The following MUC15 variants were observed in gnomAD, a reference collection of about 807,000 sequenced individuals.
MUC15 encodes the protein mucin-15.
In MUC15, 23 loss-of-function variants were observed where a neutral mutation model predicts 24.0. That is an observed-to-expected ratio of 0.96 (90% confidence interval 0.69 to 1.36). MUC15 has a LOEUF of 1.36. MUC15 is among the 40% of genes most tolerant of loss of function. MUC15 has a pLI of 0.00. For missense variants in MUC15, 442 were observed against 428.2 expected, an observed-to-expected ratio of 1.03 and a Z score of -0.29; for synonymous variants, 151 against 156.3, an observed-to-expected ratio of 0.97 and a Z score of 0.25.
chr11:26,563,085 G>T, intron 4 of MUC15, 31 bp downstream of exon 4: 2 of 1,606,988 alleles, frequency 1.2e-6, no homozygotes, highest in Middle Eastern at 1.7e-4. Context: ...AAACCACTGT[G>T]CCCAGGTGAA....
intron 4 of MUC15, 104 bp from the exon 5 acceptor site, chr11:26,561,329 A>T: frequency 2.7e-6 from 2 of 749,418 alleles, no homozygotes; most frequent in Non-Finnish European, 3.8e-6. Flanking sequence ...GAAAATAAAT[A>T]TATTTTTATA....
intron 3 of MUC15, 128 bp from the exon 4 acceptor site, chr11:26,563,393 CTCTG>C (rs1554970472): frequency 0.025 from 20,288 of 824,344 alleles, 553 homozygotes; most frequent in Non-Finnish European, 0.029. Flanking sequence ...GTGTTTCTCT[CTCTG>C]TGTGTGTGTG....
chr11:26,559,528 C>T lies in MUC15; in HGVS notation c.*1537G>A. 2 of 560,210 alleles carry T rather than the reference C, an allele frequency of 3.6e-6. No homozygotes were observed. 34.7% of individuals were successfully genotyped at this position (560,210 alleles called of 1,614,324 possible). ...GAAGAGGGCTAATGTTGTTTCTTCA[C>T]CTCTCCCCATGAGAAAAATCATGTG... On this transcript the variant is annotated 3_prime_UTR_variant, in exon 5 of 5. Transcript: ENST00000529533.
chr11:26,563,221 T>G lies in MUC15; in HGVS notation c.820A>C (p.Ile274Leu). 6.2e-7 allele frequency: 1 copy of G among 1,611,852 alleles called. No individual in the cohort carries two copies. Among genetic ancestry groups the G allele is most frequent in the East Asian group, 2.2e-5 (1 of 44,794 alleles). The change falls in exon 4 of 5, where the codon ATT becomes CTT. Residue 274 changes from isoleucine (I) to leucine (L), a missense_variant. Physicochemically the swap from Ile to Leu is conservative, Grantham distance 5 (BLOSUM62 2). Coordinates refer to ENST00000529533, the MANE Select transcript of MUC15 (RefSeq NM_001135091.2). ...AGAGTAAGCAATGAGACACCCAGAATAGCACCTAAAATGGCCCCGAATACT... is the reference window on the plus strand; with the variant it reads ...AGAGTAAGCAATGAGACACCCAGAAGAGCACCTAAAATGGCCCCGAATACT... Reference protein sequence around the residue: ...GIVFGAILGAILGVSLLTLVG... With the variant: ...GIVFGAILGALLGVSLLTLVG...
At chr11:26,564,505 TA>T (rs1216316854) in intron 3 of MUC15, among the ~76,000 whole-genome samples, 37 of 150,498 alleles carry the variant, frequency 2.5e-4, no homozygotes, top group East Asian at 3.9e-4. Context: ...AAAACTTAGT[TA>T]TTTTTTTTCA....
chr11:26,566,223 A>G (rs952720848), intron 2 of MUC15, among the ~76,000 whole-genome samples: 8 of 152,128 alleles, frequency 5.3e-5, no homozygotes, highest in Non-Finnish European at 1.0e-4. Flanking sequence ...ACATACACGT[A>G]TATTTAAAAC....
chr11:26,559,714 C>G lies in MUC15; in HGVS notation c.*1351G>C. The G allele has an allele frequency of 6.2e-7, 1 of 1,607,876 alleles. No homozygotes were observed. The highest frequency in any genetic ancestry group is 8.5e-7 in the Non-Finnish European group (1 of 1,174,688). ...GACTAATATTTCTGTTTGTTTTCTA[C>G]TCAGGTGACATATTTGTTCGATAAT... On this transcript the variant is annotated 3_prime_UTR_variant, in exon 5 of 5. Coordinates refer to ENST00000529533, the MANE Select transcript of MUC15 (RefSeq NM_001135091.2).
At position 26,559,958 on chromosome 11, in the gene MUC15, T is replaced by C; in HGVS notation, c.*1107A>G. On this transcript the variant is annotated 3_prime_UTR_variant, in exon 5 of 5. Coordinates refer to ENST00000529533, the MANE Select transcript of MUC15 (RefSeq NM_001135091.2). The stretch of plus-strand genomic sequence containing the variant: ...CATATATTCAGTGCTTCTTTAGGAA[T>C]TTAACTCTTGATCTCATCCTCTAAT... 2.0e-6 allele frequency: 1 copy of C among 488,670 alleles called. No homozygotes were observed. Among genetic ancestry groups the C allele is most frequent in the Non-Finnish European group, 3.7e-6 (1 of 273,614 alleles). The allele number at this position is 488,670 out of a possible 1,614,324, so 30.3% of individuals were successfully genotyped here.
Position 26,559,655 on chromosome 11 carries a change from C to A in MUC15, c.*1410G>T. The stretch of plus-strand genomic sequence containing the variant: ...AAAAATCATAGTACCTGAGTGCAAA[C>A]AGTATTCACTGGCTTATTATAATCA... On this transcript the variant is annotated 3_prime_UTR_variant, in exon 5 of 5. Coordinates refer to ENST00000529533, the MANE Select transcript of MUC15 (RefSeq NM_001135091.2). 1 of 1,134,072 alleles carries A rather than the reference C, an allele frequency of 8.8e-7. No homozygotes were observed. The highest frequency in any genetic ancestry group is 1.3e-6 in the Non-Finnish European group (1 of 744,460). The allele number at this position is 1,134,072 out of a possible 1,614,324, so 70.3% of individuals were successfully genotyped here.
In MUC15 at chr11:26,572,055, G is replaced by A. The variant is rs1850850092; in HGVS notation, c.-60C>T. ...CGCACACTTACCTTCAGGCTTAGGA[G>A]GTATTTACAATCAGGAACTGAAATA... On this transcript the variant is annotated 5_prime_UTR_variant, in exon 1 of 5. Transcript: ENST00000529533. The A allele has an allele frequency of 7.1e-6, 7 of 984,598 alleles. No homozygotes were observed. In the South Asian group the frequency reaches 2.8e-4, roughly 40 times the overall value. The allele number at this position is 984,598 out of a possible 1,614,324, so 61.0% of individuals were successfully genotyped here. A position where few individuals can be genotyped will look rare whatever the true frequency, so the allele number is the denominator to read the frequency against.
At chr11:26,563,565 A>T (rs1850390287) in intron 3 of MUC15, among the ~76,000 whole-genome samples, 1 of 151,886 alleles carries the variant, frequency 6.6e-6, no homozygotes, top group African/African-American at 2.4e-5. Context: ...TCTTATTAAC[A>T]TCAGTGGCAC....
chr11:26,563,395 CTG>C (rs71047867), intron 3 of MUC15, 130 bp from the exon 4 acceptor site: 26,811 of 536,808 alleles, frequency 0.05, 547 homozygotes, highest in African/African-American at 0.15. Context: ...GTTTCTCTCT[CTG>C]TGTGTGTGTG....
chr11:26,564,734 TATATATA>T (rs1565109031), intron 3 of MUC15, among the ~76,000 whole-genome samples: 2 of 17,434 alleles, frequency 1.1e-4, no homozygotes, highest in East Asian at 7.2e-3. Context: ...CACACACACA[TATATATA>T]TATATATATA....
At chr11:26,562,278 G>C (rs1008467751) in intron 4 of MUC15, among the ~76,000 whole-genome samples, 8 of 151,850 alleles carry the variant, frequency 5.3e-5, no homozygotes, top group Non-Finnish European at 7.4e-5. Flanking sequence ...ATAATTTACA[G>C]ATTTGGTTCT....
Position 26,572,024 on chromosome 11 carries a change from A to G in MUC15, c.-46+17T>C, listed in dbSNP as rs1850848539. 2 of 922,490 alleles carry G rather than the reference A, an allele frequency of 2.2e-6. No individual in the cohort carries two copies. Among genetic ancestry groups the G allele is most frequent in the Non-Finnish European group, 2.6e-6 (2 of 772,532 alleles). The allele number at this position is 922,490 out of a possible 1,614,324, so 57.1% of individuals were successfully genotyped here. Reference sequence around the variant, plus strand: ...AGAGAGAAAGCGAGAGACCTAAGTGACCCAACGCACACTTACCTTCAGGCT... The same window carrying G: ...AGAGAGAAAGCGAGAGACCTAAGTGGCCCAACGCACACTTACCTTCAGGCT... On this transcript the variant is annotated intron_variant, in intron 1 of 4. Coordinates refer to ENST00000529533, the MANE Select transcript of MUC15 (RefSeq NM_001135091.2).
chr11:26,566,088 C>A (rs961695089), intron 2 of MUC15, among the ~76,000 whole-genome samples, 192 bp from the exon 3 acceptor site: 15 of 151,832 alleles, frequency 9.9e-5, no homozygotes, highest in African/African-American at 3.6e-4. Flanking sequence ...TCCACGTAAT[C>A]TTTCTTCCTT....
chr11:26,566,490 C>T (rs544667419), intron 2 of MUC15, among the ~76,000 whole-genome samples: 114 of 151,976 alleles, frequency 7.5e-4, no homozygotes, highest in African/African-American at 2.7e-3. Context: ...CATGAAATAA[C>T]TCATGAATTT....
chr11:26,565,912 C>T lies in MUC15; in HGVS notation c.44-16G>A. On this transcript the variant is annotated splice_polypyrimidine_tract_variant and intron_variant, in intron 2 of 4. Coordinates refer to ENST00000529533, the MANE Select transcript of MUC15 (RefSeq NM_001135091.2). ...TTAAAGGAATCTGAAAGAAAATAAC[C>T]ATAATTTGAATTCCTTAAATAAAAT... The T allele has an allele frequency of 6.4e-7, 1 of 1,554,370 alleles. No individual in the cohort carries two copies. The highest frequency in any genetic ancestry group is 8.6e-7 in the Non-Finnish European group (1 of 1,157,978).
At chr11:26,565,984 C>G in intron 2 of MUC15, 88 bp from the exon 3 acceptor site, 1 of 1,258,824 alleles carries the variant, frequency 7.9e-7, no homozygotes, top group Non-Finnish European at 1.1e-6. Context: ...TGATAAAAAT[C>G]TAGACATAAT....
Sources: allele counts gnomAD v4.1 joint callset (sites outside exome capture counted in the v4.1 genomes callset), GRCh38; gene constraint gnomAD v4.1.1; transcripts MANE v1.5; gene names NCBI Gene and HGNC (gene_info 2026-07-23, HGNC 2026-07-21).